SLC23A2: variants seen among roughly 807,000 people sequenced by gnomAD.
SLC23A2 encodes the protein Na(+)/L-ascorbic acid transporter 2.
A neutral mutation model predicts 73.3 loss-of-function variants in SLC23A2; 36 were observed. The observed-to-expected ratio is 0.49, with a 90% CI of 0.38 to 0.65. The LOEUF is 0.65. SLC23A2 is among the 30% of genes least tolerant of loss of function. The pLI, the probability that SLC23A2 is intolerant of heterozygous loss-of-function variation, is 0.00. For synonymous variants in SLC23A2, 343 were observed against 327.3 expected, an observed-to-expected ratio of 1.05 and a Z score of -0.52; for missense variants, 507 against 841.6, an observed-to-expected ratio of 0.60 and a Z score of 4.92.
intron 2 of SLC23A2, among the ~76,000 whole-genome samples, chr20:4,959,809 G>A (rs1280243457): frequency 2.0e-5 from 3 of 151,914 alleles, no homozygotes; most frequent in African/African-American, 7.3e-5. Flanking sequence ...TTAGACACAG[G>A]GTCTCTCTCT....
At chr20:4,984,309 C>A (rs1193752338) in intron 1 of SLC23A2, among the ~76,000 whole-genome samples, 1 of 151,932 alleles carries the variant, frequency 6.6e-6, no homozygotes, top group Non-Finnish European at 1.5e-5. Flanking sequence ...AATCCCAGCA[C>A]TTTGGGAGGC....
rs72552231 is a variant in SLC23A2 at position 4,875,166 on chromosome 20, C to T, written c.825-470G>A. Among the ~76,000 whole-genome samples, 887 of 152,344 alleles carry T rather than the reference C, an allele frequency of 5.8e-3. 3 individuals are homozygous for T. The highest frequency in any genetic ancestry group is 0.017 in the South Asian group (80 of 4,830). On this transcript the variant is annotated intron_variant, in intron 9 of 16. Transcript: ENST00000338244. ...GATCCAAAATTCTCCCAGGGATTCG[C>T]TTTGAGTAGTTACATGATTTGCAAC... is the stretch of plus-strand genomic sequence containing the variant.
intron 6 of SLC23A2, among the ~76,000 whole-genome samples, chr20:4,892,973 T>C (rs11698817): frequency 0.048 from 7,273 of 152,178 alleles, 261 homozygotes; most frequent in Non-Finnish European, 0.067. Context: ...TTGTTAATGT[T>C]CTTAGGTGTG....
intron 9 of SLC23A2, among the ~76,000 whole-genome samples, chr20:4,881,992 T>C (rs1215344932): frequency 1.3e-5 from 2 of 152,222 alleles, no homozygotes; most frequent in African/African-American, 4.8e-5. Context: ...ATTAATTACA[T>C]TTCGCTGAAA....
chr20:4,893,481 T>C (rs548968361), intron 6 of SLC23A2, among the ~76,000 whole-genome samples: 2 of 152,278 alleles, frequency 1.3e-5, no homozygotes, highest in Admixed American at 1.3e-4. Context: ...ACCGCATCCC[T>C]CCATGCTTCT....
At chr20:4,904,326 G>A (rs1172476980) in intron 4 of SLC23A2, among the ~76,000 whole-genome samples, 1 of 152,206 alleles carries the variant, frequency 6.6e-6, no homozygotes, top group East Asian at 1.9e-4. Flanking sequence ...TCACTGCTGG[G>A]AAAACTGAAC....
intron 6 of SLC23A2, among the ~76,000 whole-genome samples, chr20:4,898,621 G>C (rs1363822364): frequency 6.6e-6 from 1 of 152,206 alleles, no homozygotes; most frequent in Non-Finnish European, 1.5e-5. Flanking sequence ...ACTGCGAAGA[G>C]GGGAGAGGAG....
At chr20:4,937,500 T>C (rs2086978394) in intron 2 of SLC23A2, among the ~76,000 whole-genome samples, 1 of 152,202 alleles carries the variant, frequency 6.6e-6, no homozygotes, top group African/African-American at 2.4e-5. Flanking sequence ...AGTGTCGGTG[T>C]GTGCCAGGCA....
intron 1 of SLC23A2, among the ~76,000 whole-genome samples, chr20:4,996,567 T>G (rs2088023497): frequency 6.6e-6 from 1 of 150,498 alleles, no homozygotes; most frequent in Non-Finnish European, 1.5e-5. Context: ...GCACCCATAA[T>G]CCCAGCTACT....
At chr20:4,867,735 G>T in intron 13 of SLC23A2, 35 bp downstream of exon 13, 2 of 1,245,376 alleles carry the variant, frequency 1.6e-6, no homozygotes, top group South Asian at 1.2e-5. Flanking sequence ...CCAATGCTTA[G>T]AAACCCAATC....
intron 1 of SLC23A2, among the ~76,000 whole-genome samples, chr20:4,989,105 G>A (rs1050049354): frequency 6.6e-6 from 1 of 151,570 alleles, no homozygotes; most frequent in Non-Finnish European, 1.5e-5. Flanking sequence ...CGGGCATGGT[G>A]GTGGGTGCCT....
intron 3 of SLC23A2, among the ~76,000 whole-genome samples, chr20:4,922,311 A>G (rs1183155778): frequency 6.6e-6 from 1 of 152,212 alleles, no homozygotes; most frequent in East Asian, 1.9e-4. Context: ...GGGAGATCAC[A>G]CAGAGGTTGT....
chr20:4,943,352 C>A (rs2087071906), intron 2 of SLC23A2, among the ~76,000 whole-genome samples: 1 of 151,946 alleles, frequency 6.6e-6, no homozygotes, highest in Non-Finnish European at 1.5e-5. Flanking sequence ...GCTTAAGACT[C>A]ACATGGGAAG....
In SLC23A2 at chr20:4,871,406, G is replaced by A. The variant is rs193063083; in HGVS notation, c.1103-1353C>T. Among the ~76,000 whole-genome samples the A allele has an allele frequency of 2.3e-4, 35 of 152,262 alleles. No individual in the cohort carries two copies. In the East Asian group the frequency reaches 5.6e-3, roughly 24 times the overall value. ...GAACGGAGGTGCCCCTCCAGGGATC[G>A]GGAGGGTCTGGAGGGTGGGGTTTGA... On this transcript the variant is annotated intron_variant, in intron 11 of 16. Transcript: ENST00000338244.
Position 4,920,502 on chromosome 20 carries a change from G to T in SLC23A2, c.109-7524C>A, listed in dbSNP as rs550175764. 3.3e-5 allele frequency among the ~76,000 whole-genome samples: 5 copies of T among 152,242 alleles called. No individual in the cohort carries two copies. The South Asian group carries it at 1.0e-3, about 32-fold the overall frequency. On this transcript the variant is annotated intron_variant, in intron 3 of 16. Transcript: ENST00000338244. ...CTGAGTGAAACAACTTATGTGCCAG[G>T]TTATTCAGGGTAGTGCTATTTGTAA...
At chr20:5,008,541 C>G (rs528738534) in intron 1 of SLC23A2, among the ~76,000 whole-genome samples, 57 of 152,238 alleles carry the variant, frequency 3.7e-4, no homozygotes, top group Middle Eastern at 3.4e-3. Flanking sequence ...CCCCAAATTC[C>G]TTACCTAACC....
chr20:5,006,733 G>GT (rs2088196018), intron 1 of SLC23A2, among the ~76,000 whole-genome samples: 1 of 151,766 alleles, frequency 6.6e-6, no homozygotes, highest in Non-Finnish European at 1.5e-5. Flanking sequence ...TAGAGACAGG[G>GT]TTTCACCATG....
rs1195007125 is a variant in SLC23A2 at position 4,883,485 on chromosome 20, G to C, written c.824+157C>G. ...ACTATATGTCACTTCCCAAACTCTG[G>C]GTCAAAAACCCTTCAACTATTCCCC... On this transcript the variant is annotated intron_variant, in intron 9 of 16. Coordinates refer to ENST00000338244, the MANE Select transcript of SLC23A2 (RefSeq NM_005116.6). The surrounding 1 kb of genome is among the most constrained non-coding windows in gnomAD (Gnocchi z 4.5). Among the ~76,000 whole-genome samples, 1 of 152,048 alleles carries C rather than the reference G, an allele frequency of 6.6e-6. No homozygotes were observed. Among genetic ancestry groups the C allele is most frequent in the African/African-American group, 2.4e-5 (1 of 41,376 alleles).
At chr20:4,880,952 A>G (rs1930859198) in intron 9 of SLC23A2, among the ~76,000 whole-genome samples, 1 of 152,234 alleles carries the variant, frequency 6.6e-6, no homozygotes, top group Admixed American at 6.5e-5. Context: ...GTGAGGAATC[A>G]ATGGCCAAGG....
Sources: gnomAD v4.1 joint callset for allele counts (sites outside exome capture counted in the v4.1 genomes callset) on GRCh38, gnomAD v4.1.1 for gene constraint, Gnocchi (gnomAD v3.1) non-coding constraint, MANE v1.5 for transcripts, NCBI Gene and HGNC (gene_info 2026-07-23, HGNC 2026-07-21) for gene names.